The following SORCS1 variants were observed in gnomAD, a reference collection of about 807,000 sequenced individuals.
SORCS1 encodes sortilin related VPS10 domain containing receptor 1.
SORCS1 carries 60 observed loss-of-function variants against 146.1 expected under a neutral mutation model. The observed-to-expected ratio is 0.41, with a 90% CI of 0.33 to 0.51. The LOEUF is 0.51. SORCS1 is among the 20% of genes least tolerant of loss of function. The pLI is 0.21. For synonymous variants in SORCS1, 637 were observed against 584.0 expected (o/e 1.09, Z -1.31); for missense variants, 1,352 against 1,487.6 (o/e 0.91, Z 1.50).
intron 5 of SORCS1, among the ~76,000 whole-genome samples, chr10:106,748,116 C>A (rs1195032441): frequency 6.6e-6 from 1 of 152,000 alleles, no homozygotes; most frequent in Non-Finnish European, 1.5e-5. Context: ...ACTTTGATTG[C>A]ACTTCTTTTT....
At chr10:106,946,539 G>A (rs984021195) in intron 2 of SORCS1, among the ~76,000 whole-genome samples, 1 of 152,204 alleles carries the variant, frequency 6.6e-6, no homozygotes, top group African/African-American at 2.4e-5. Flanking sequence ...CATGTAAGAC[G>A]TGGCTTTGCT....
intron 1 of SORCS1, among the ~76,000 whole-genome samples, chr10:107,012,319 T>C (rs892343489): frequency 6.6e-6 from 1 of 152,150 alleles, no homozygotes; most frequent in Non-Finnish European, 1.5e-5. Context: ...CAGTGTAGTA[T>C]AACAATTAAA....
rs77188964 is a variant in SORCS1 at position 106,982,250 on chromosome 10, T to G, written c.559-25670A>C. ...TCAACCAAGACTTGATGCCTATGAT[T>G]TTCACTGTGCTGACTTGTAAGGATA... On this transcript the variant is annotated intron_variant, in intron 1 of 25. Transcript: ENST00000263054. Among the ~76,000 whole-genome samples the G allele has an allele frequency of 2.1e-3, 324 of 152,338 alleles. 8 individuals carry two copies. The East Asian group carries it at 0.048, about 23-fold the overall frequency.
intron 21 of SORCS1, among the ~76,000 whole-genome samples, chr10:106,614,463 T>C (rs1420357480): frequency 6.6e-6 from 1 of 152,190 alleles, no homozygotes; most frequent in Non-Finnish European, 1.5e-5. Context: ...TGTTCAAAGC[T>C]TGACTATTTT....
intron 1 of SORCS1, among the ~76,000 whole-genome samples, chr10:107,123,077 C>CAAAAAAAAAAAAAAAAAAAGAA: frequency 3.8e-5 from 3 of 79,100 alleles, no homozygotes; most frequent in Non-Finnish European, 9.0e-5. Flanking sequence ...GACAAACTGG[C>CAAAAAAAAAAAAAAAAAAAGAA]AAAAAAAAAA....
intron 1 of SORCS1, among the ~76,000 whole-genome samples, chr10:107,028,679 T>A (rs1247201178): frequency 1.3e-5 from 2 of 152,218 alleles, no homozygotes; most frequent in Admixed American, 1.3e-4. Context: ...AATCAAGCAC[T>A]GTTGTAGAAA....
intron 1 of SORCS1, among the ~76,000 whole-genome samples, chr10:107,124,925 C>A (rs969785957): frequency 2.7e-5 from 4 of 150,086 alleles, no homozygotes; most frequent in Non-Finnish European, 1.5e-5. Context: ...CTCTGCTCAG[C>A]TTTCTTTTCT....
intron 1 of SORCS1, among the ~76,000 whole-genome samples, chr10:107,006,779 T>C (rs1298414171): frequency 6.6e-6 from 1 of 152,236 alleles, no homozygotes; most frequent in African/African-American, 2.4e-5. Context: ...ATTGTGCCAC[T>C]GCATTCCAGC....
chr10:106,830,612 AG>A (rs1314858813), intron 2 of SORCS1, among the ~76,000 whole-genome samples: 1 of 146,136 alleles, frequency 6.8e-6, no homozygotes, highest in Non-Finnish European at 1.5e-5. Flanking sequence ...TAAAGAATAT[AG>A]GGCTGGGCAC....
Position 106,887,322 on chromosome 10 carries a change from A to G in SORCS1, c.627-57649T>C, listed in dbSNP as rs193065513. On this transcript the variant is annotated intron_variant, in intron 2 of 25. Transcript: ENST00000263054. ...CTATTTGAACTTAGCAATAATTCACATCTTTACAGTATTTTGGGTTAAAAA... is the reference window on the plus strand; with the variant it reads ...CTATTTGAACTTAGCAATAATTCACGTCTTTACAGTATTTTGGGTTAAAAA... Among the ~76,000 whole-genome samples the G allele has an allele frequency of 4.6e-3, 700 of 152,364 alleles. 7 individuals are homozygous for G. The highest frequency in any genetic ancestry group is 0.016 in the African/African-American group (668 of 41,592).
intron 2 of SORCS1, among the ~76,000 whole-genome samples, chr10:106,830,971 G>T (rs1948518668): frequency 6.6e-6 from 1 of 151,862 alleles, no homozygotes; most frequent in African/African-American, 2.4e-5. Flanking sequence ...GAGGCAGGCA[G>T]GTCACGAGGT....
chr10:106,856,100 C>G (rs890571324), intron 2 of SORCS1, among the ~76,000 whole-genome samples: 1 of 151,486 alleles, frequency 6.6e-6, no homozygotes, highest in Admixed American at 6.6e-5. Flanking sequence ...AATCTCAGCT[C>G]ACTACAACCT....
At chr10:106,809,570 A>C (rs1002392739) in intron 3 of SORCS1, among the ~76,000 whole-genome samples, 1 of 152,294 alleles carries the variant, frequency 6.6e-6, no homozygotes, top group Non-Finnish European at 1.5e-5. Context: ...AGGAAGGCTG[A>C]GCTCCTGAGT....
chr10:106,618,821 GTT>G (rs1387395024), intron 20 of SORCS1, among the ~76,000 whole-genome samples: 3 of 152,080 alleles, frequency 2.0e-5, no homozygotes, highest in Non-Finnish European at 4.4e-5. Flanking sequence ...CTCATCAGCA[GTT>G]TCCTGGAAGT....
intron 3 of SORCS1, among the ~76,000 whole-genome samples, chr10:106,826,308 C>T (rs1291106895): frequency 6.6e-6 from 1 of 152,318 alleles, no homozygotes; most frequent in East Asian, 1.9e-4. Flanking sequence ...GTATCTGGTA[C>T]AAAAGATTTT....
intron 2 of SORCS1, among the ~76,000 whole-genome samples, chr10:106,859,946 G>T (rs1949948710): frequency 6.6e-6 from 1 of 152,142 alleles, no homozygotes; most frequent in Admixed American, 6.5e-5. Flanking sequence ...GTGTTGCTAG[G>T]TTGAACCGAA....
At chr10:107,086,915 G>A (rs1048202096) in intron 1 of SORCS1, among the ~76,000 whole-genome samples, 1 of 152,336 alleles carries the variant, frequency 6.6e-6, no homozygotes, top group East Asian at 1.9e-4. Context: ...TGTAGTCCCA[G>A]CTACTCGGGA....
intron 5 of SORCS1, among the ~76,000 whole-genome samples, chr10:106,755,666 AG>A (rs1243267249): frequency 1.3e-5 from 2 of 151,960 alleles, no homozygotes; most frequent in East Asian, 3.9e-4. Context: ...CAGTTTGATT[AG>A]GTCTCAACCC....
intron 8 of SORCS1, among the ~76,000 whole-genome samples, chr10:106,706,210 A>G (rs2756230): frequency 2.8e-3 from 413 of 145,876 alleles, no homozygotes; most frequent in East Asian, 2.8e-3. Context: ...AAGAAAGAAA[A>G]AAGAAAGAAA....
Sources: gnomAD v4.1 joint callset for allele counts (sites outside exome capture counted in the v4.1 genomes callset) on GRCh38, gnomAD v4.1.1 for gene constraint, MANE v1.5 for transcripts, NCBI Gene and HGNC (gene_info 2026-07-23, HGNC 2026-07-21) for gene names.